FHIP1A: variants seen among roughly 807,000 people sequenced by gnomAD.
FHIP1A encodes the protein FHF complex subunit HOOK-interacting protein 1A.
Under a neutral mutation model 88.6 loss-of-function variants are expected in FHIP1A, and 61 were observed. The ratio of observed to expected loss-of-function variants is 0.69; its 90% confidence interval spans 0.56 to 0.85. The LOEUF is 0.85. Among genes scored for constraint, FHIP1A ranks in the 40% least tolerant of loss-of-function variants. FHIP1A has a pLI of 0.00. For synonymous variants in FHIP1A, 478 were observed against 496.0 expected (o/e 0.96, Z 0.48); for missense variants, 1,154 against 1,273.5 (o/e 0.91, Z 1.43).
At chr4:151,418,931 T>G (rs1197368196) in intron 1 of FHIP1A, among the ~76,000 whole-genome samples, 1 of 152,214 alleles carries the variant, frequency 6.6e-6, no homozygotes, top group Admixed American at 6.5e-5. Flanking sequence ...CTCTAATCTA[T>G]TTTCATTCCA....
At chr4:151,540,062 C>T (rs1300620347) in intron 3 of FHIP1A, among the ~76,000 whole-genome samples, 1 of 152,226 alleles carries the variant, frequency 6.6e-6, no homozygotes, top group Non-Finnish European at 1.5e-5. Flanking sequence ...GACCTTCAAT[C>T]AGCAGACCTG....
At chr4:151,557,562 G>A (rs1045133232) in intron 3 of FHIP1A, among the ~76,000 whole-genome samples, 1 of 151,860 alleles carries the variant, frequency 6.6e-6, no homozygotes, top group African/African-American at 2.4e-5. Flanking sequence ...TAGATGAATT[G>A]AAGCAGAATA....
At chr4:151,483,290 A>G (rs1729964282) in intron 3 of FHIP1A, among the ~76,000 whole-genome samples, 2 of 151,926 alleles carry the variant, frequency 1.3e-5, no homozygotes, top group Non-Finnish European at 2.9e-5. Context: ...ATTTGCCTCT[A>G]TAAATGATCT....
At chr4:151,597,418 C>A (rs1734692202) in intron 7 of FHIP1A, among the ~76,000 whole-genome samples, 1 of 152,118 alleles carries the variant, frequency 6.6e-6, no homozygotes, top group Non-Finnish European at 1.5e-5. Flanking sequence ...CCCAGAGGGT[C>A]ACCCGCCAGA....
chr4:151,459,567 T>C (rs1729079464), intron 2 of FHIP1A, among the ~76,000 whole-genome samples: 1 of 152,248 alleles, frequency 6.6e-6, no homozygotes, highest in Admixed American at 6.5e-5. Context: ...CGTTTCCATC[T>C]GTAATATCAT....
chr4:151,600,435 A>AC (rs1445472737), intron 7 of FHIP1A, among the ~76,000 whole-genome samples: 1 of 152,214 alleles, frequency 6.6e-6, no homozygotes, highest in Non-Finnish European at 1.5e-5. Context: ...GTATTTAGTC[A>AC]GGGCCCCAGA....
At chr4:151,493,297 C>A (rs1730348453) in intron 3 of FHIP1A, among the ~76,000 whole-genome samples, 2 of 152,078 alleles carry the variant, frequency 1.3e-5, no homozygotes, top group Admixed American at 6.6e-5. Flanking sequence ...AAACTCTGAA[C>A]AGACCAATAA....
chr4:151,455,932 G>A (rs1728952767), intron 2 of FHIP1A, among the ~76,000 whole-genome samples: 1 of 152,206 alleles, frequency 6.6e-6, no homozygotes, highest in African/African-American at 2.4e-5. Flanking sequence ...TTAGATGGAA[G>A]CACTGAGCCC....
chr4:151,428,870 G>T (rs753219728), intron 1 of FHIP1A, among the ~76,000 whole-genome samples: 1 of 151,998 alleles, frequency 6.6e-6, no homozygotes, highest in African/African-American at 2.4e-5. Flanking sequence ...CTCCACCTCA[G>T]CCACCTTGGC....
chr4:151,486,336 G>A lies in FHIP1A; in HGVS notation c.-123+3688G>A, dbSNP rs140490954. On this transcript the variant is annotated intron_variant, in intron 3 of 13. Coordinates refer to ENST00000435205, the MANE Select transcript of FHIP1A (RefSeq NM_001109977.3). ...GGTCTCCTGAGCAGATACATTACGG[G>A]TTCTCAAACTGTGTGCACATGAATC... is the stretch of plus-strand genomic sequence containing the variant. Among the ~76,000 whole-genome samples, 555 of 152,236 alleles carry A rather than the reference G, an allele frequency of 3.6e-3. 6 individuals carry two copies. The highest frequency in any genetic ancestry group is 0.013 in the South Asian group (62 of 4,822).
intron 1 of FHIP1A, among the ~76,000 whole-genome samples, chr4:151,442,146 T>C (rs1728434966): frequency 2.0e-5 from 3 of 152,304 alleles, no homozygotes; most frequent in Admixed American, 2.0e-4. Context: ...TTATGCAGAA[T>C]GCTGACAGAA....
intron 9 of FHIP1A, among the ~76,000 whole-genome samples, chr4:151,643,434 A>G (rs966964111): frequency 1.3e-5 from 2 of 152,224 alleles, no homozygotes; most frequent in African/African-American, 4.8e-5. Context: ...TATCATGTCA[A>G]GCATTTATCA....
intron 2 of FHIP1A, among the ~76,000 whole-genome samples, chr4:151,472,344 T>A (rs1368644560): frequency 1.3e-5 from 2 of 152,038 alleles, no homozygotes; most frequent in African/African-American, 2.4e-5. Flanking sequence ...AAAATTCACA[T>A]AATACAAACA....
At chr4:151,559,445 C>A (rs1056168908) in intron 3 of FHIP1A, among the ~76,000 whole-genome samples, 1 of 152,168 alleles carries the variant, frequency 6.6e-6, no homozygotes, top group African/African-American at 2.4e-5. Context: ...CTGACTCAGC[C>A]ACCTTAAGAG....
intron 1 of FHIP1A, among the ~76,000 whole-genome samples, chr4:151,425,408 A>G (rs535723758): frequency 5.3e-5 from 8 of 152,318 alleles, no homozygotes; most frequent in African/African-American, 1.9e-4. Context: ...ATCTTGACTT[A>G]GATAAATCAT....
intron 2 of FHIP1A, among the ~76,000 whole-genome samples, chr4:151,469,507 A>G (rs1729437848): frequency 6.6e-6 from 1 of 152,192 alleles, no homozygotes; most frequent in South Asian, 2.1e-4. Context: ...TGACATCACT[A>G]AAAACTAGGT....
At chr4:151,508,871 C>G (rs1443630683) in intron 3 of FHIP1A, among the ~76,000 whole-genome samples, 1 of 152,162 alleles carries the variant, frequency 6.6e-6, no homozygotes, top group Non-Finnish European at 1.5e-5. Flanking sequence ...AGCCAGCCCT[C>G]CCTAAAAACT....
In FHIP1A at chr4:151,566,286, C is replaced by A; in HGVS notation, c.27C>A (p.Ser9Arg). 1 of 1,550,322 alleles carries A rather than the reference C, an allele frequency of 6.5e-7. No individual in the cohort carries two copies. The highest frequency in any genetic ancestry group is 8.7e-7 in the Non-Finnish European group (1 of 1,146,062). The change falls in exon 4 of 14, where the codon AGC (serine) becomes AGA (arginine). Residue 9 changes from serine (S) to arginine (R), a missense_variant. Transcript: ENST00000435205. MMSSVSTE[S>R]KLQQAVSLQG... Reference sequence around the variant, plus strand: ...TGATGTCATCGGTTTCGACAGAAAGCAAACTCCAGCAGGCTGTGAGCCTAC... The same window carrying A: ...TGATGTCATCGGTTTCGACAGAAAGAAAACTCCAGCAGGCTGTGAGCCTAC...
chr4:151,504,957 C>T (rs1156281516), intron 3 of FHIP1A, among the ~76,000 whole-genome samples: 1 of 152,146 alleles, frequency 6.6e-6, no homozygotes, highest in Admixed American at 6.5e-5. Flanking sequence ...AGAAAACTGT[C>T]AGGACTCTAC....
Sources: allele counts gnomAD v4.1 joint callset (sites outside exome capture counted in the v4.1 genomes callset), GRCh38; gene constraint gnomAD v4.1.1; transcripts MANE v1.5; gene names NCBI Gene and HGNC (gene_info 2026-07-23, HGNC 2026-07-21).